MYMK: variants seen among roughly 807,000 people sequenced by gnomAD.
MYMK encodes protein myomaker.
A neutral mutation model predicts 22.4 loss-of-function variants in MYMK; 16 were observed. The observed-to-expected ratio is 0.72, with a 90% CI of 0.48 to 1.09. The LOEUF is 1.09. Ranked by LOEUF, MYMK falls within the 50% of genes least tolerant of loss-of-function variation. The pLI, the probability that MYMK is intolerant of heterozygous loss-of-function variation, is 0.00. For missense variants in MYMK, 250 were observed against 295.6 expected (o/e 0.85, Z 1.13); for synonymous variants, 125 against 127.0 (o/e 0.98, Z 0.11).
chr9:133,523,344 G>A lies in MYMK; in HGVS notation c.135+1366C>T, dbSNP rs77751860. On this transcript the variant is annotated intron_variant, in intron 1 of 4. Transcript: ENST00000339996. The stretch of plus-strand genomic sequence containing the variant: ...CTGCTGCTGGAGAAGGAGGCTGTCT[G>A]GGGAGAGGAGGTGGAGTTTTCACAG... Among the ~76,000 whole-genome samples the A allele has an allele frequency of 3.5e-3, 539 of 152,332 alleles. 3 individuals are homozygous for A. Among genetic ancestry groups the A allele is most frequent in the African/African-American group, 0.013 (525 of 41,558 alleles).
Position 133,519,031 on chromosome 9 carries a change from G to A in MYMK, c.251-9C>T. ...GTCGAAGTCGGCCAGTGCTGGAGGG[G>A]CCAGGGAGACACAGGGGGAGGTGAG... On this transcript the variant is annotated splice_polypyrimidine_tract_variant and intron_variant, in intron 2 of 4. Coordinates refer to ENST00000339996, the MANE Select transcript of MYMK (RefSeq NM_001080483.3). The A allele has an allele frequency of 6.2e-7, 1 of 1,613,512 alleles. No homozygotes were observed. Among genetic ancestry groups the A allele is most frequent in the Non-Finnish European group, 8.5e-7 (1 of 1,179,978 alleles).
Position 133,515,446 on chromosome 9 carries a change from G to T in MYMK, c.516+45C>A. On this transcript the variant is annotated intron_variant, in intron 4 of 4. Transcript: ENST00000339996. The surrounding 1 kb of genome is among the most constrained non-coding windows in gnomAD (Gnocchi z 5.8). ...TATCCCAGCTGAGCAGAGCCATGCC[G>T]AGTGGGCTCTGGGGCACAGGACACC... The T allele has an allele frequency of 3.0e-6, 4 of 1,333,062 alleles. No individual in the cohort carries two copies. The highest frequency in any genetic ancestry group is 1.2e-5 in the South Asian group (1 of 84,152). 82.6% of individuals were successfully genotyped at this position (1,333,062 alleles called of 1,614,324 possible).
chr9:133,519,541 CA>C (rs1439294582), intron 2 of MYMK, among the ~76,000 whole-genome samples: 1 of 152,160 alleles, frequency 6.6e-6, no homozygotes, highest in Non-Finnish European at 1.5e-5. Context: ...GCCTGAGTGA[CA>C]GAGTGAGACC....
intron 2 of MYMK, 68 bp from the exon 3 acceptor site, chr9:133,519,090 C>A: frequency 5.7e-6 from 9 of 1,577,956 alleles, no homozygotes; most frequent in Middle Eastern, 3.4e-4. Context: ...TACCCCCCCA[C>A]CCCCCAGCCC....
At position 133,514,790 on chromosome 9, in the gene MYMK, G is replaced by C. The variant is rs748124423; in HGVS notation, c.517-5C>G. 2.5e-6 allele frequency: 4 copies of C among 1,612,078 alleles called. No individual in the cohort carries two copies. The East Asian group carries it at 6.7e-5, about 27-fold the overall frequency. ...GACATAAGTGTAGTCCCAGTCCTGC[G>C]GGGGGCAAGCGGTCAGTCTGGGGCC... On this transcript the variant is annotated splice_region_variant and splice_polypyrimidine_tract_variant and intron_variant, in intron 4 of 4. Coordinates refer to ENST00000339996, the MANE Select transcript of MYMK (RefSeq NM_001080483.3).
intron 2 of MYMK, 40 bp from the exon 3 acceptor site, chr9:133,519,062 T>C: frequency 6.2e-7 from 1 of 1,610,368 alleles, no homozygotes; most frequent in Non-Finnish European, 8.5e-7. Context: ...GTGAGTGGTC[T>C]CTCTTGCTCC....
At chr9:133,514,991 G>C (rs1167714447) in intron 4 of MYMK, among the ~76,000 whole-genome samples, 4 of 152,118 alleles carry the variant, frequency 2.6e-5, no homozygotes, top group Non-Finnish European at 5.9e-5. Flanking sequence ...CCTCCAGGCT[G>C]CACTCCTTCC....
Position 133,520,160 on chromosome 9 carries a change from G to T in MYMK, c.250+14C>A. 6.2e-7 allele frequency: 1 copy of T among 1,604,832 alleles called. No individual in the cohort carries two copies. Among genetic ancestry groups the T allele is most frequent in the Non-Finnish European group, 8.5e-7 (1 of 1,171,652 alleles). On this transcript the variant is annotated intron_variant, in intron 2 of 4. Coordinates refer to ENST00000339996, the MANE Select transcript of MYMK (RefSeq NM_001080483.3). ...CTTGTCCGCAAGGCTTGTCTGCAGG[G>T]GTTGACCACTCACCCATCAGCGAGA...
chr9:133,515,442 T>C lies in MYMK; in HGVS notation c.516+49A>G, dbSNP rs1844619587. ...CTGGTATCCCAGCTGAGCAGAGCCATGCCGAGTGGGCTCTGGGGCACAGGA... is the reference window on the plus strand; with the variant it reads ...CTGGTATCCCAGCTGAGCAGAGCCACGCCGAGTGGGCTCTGGGGCACAGGA... On this transcript the variant is annotated intron_variant, in intron 4 of 4. Transcript: ENST00000339996. The surrounding 1 kb of genome is among the most constrained non-coding windows in gnomAD (Gnocchi z 5.8). 1 of 1,300,460 alleles carries C rather than the reference T, an allele frequency of 7.7e-7. No individual in the cohort carries two copies. The highest frequency in any genetic ancestry group is 1.1e-6 in the Non-Finnish European group (1 of 899,836). 80.6% of individuals were successfully genotyped at this position (1,300,460 alleles called of 1,614,324 possible).
At chr9:133,524,323 G>A (rs144789439) in intron 1 of MYMK, among the ~76,000 whole-genome samples, 201 of 152,232 alleles carry the variant, frequency 1.3e-3, no homozygotes, top group African/African-American at 4.4e-3. Flanking sequence ...CTGCTCCATC[G>A]TGGCCTATGG....
chr9:133,524,548 C>T (rs577296322), intron 1 of MYMK, among the ~76,000 whole-genome samples, 162 bp downstream of exon 1: 1 of 152,196 alleles, frequency 6.6e-6, no homozygotes, highest in Non-Finnish European at 1.5e-5. Context: ...AGGGACTCCC[C>T]TAGTCCTCTC....
rs1407385140 is a variant in MYMK, at chr9:133,515,060, A to G, written c.517-275T>C. 8.6e-6 allele frequency among the ~76,000 whole-genome samples: 1 copy of G among 116,366 alleles called. No homozygotes were observed. The highest frequency in any genetic ancestry group is 1.8e-5 in the Non-Finnish European group (1 of 54,776). The allele number at this position is 116,366 out of a possible 152,430, so 76.3% of individuals were successfully genotyped here. On this transcript the variant is annotated intron_variant, in intron 4 of 4. Coordinates refer to ENST00000339996, the MANE Select transcript of MYMK (RefSeq NM_001080483.3). The surrounding 1 kb of genome is among the most constrained non-coding windows in gnomAD (Gnocchi z 5.8). The stretch of plus-strand genomic sequence containing the variant: ...CTTCCTCCATCCTTCTCTCCCTCCT[A>G]CCCTCCCTCCCTCCATCTCCCCCTC...
chr9:133,519,346 C>T (rs985909414), intron 2 of MYMK, among the ~76,000 whole-genome samples: 2 of 152,114 alleles, frequency 1.3e-5, no homozygotes, highest in African/African-American at 2.4e-5. Flanking sequence ...GCAGGAGGAT[C>T]GTCTGAGACC....
At chr9:133,520,120 A>G in intron 2 of MYMK, 54 bp downstream of exon 2, 2 of 1,439,268 alleles carry the variant, frequency 1.4e-6, no homozygotes, top group Admixed American at 3.4e-5. Flanking sequence ...GTGTGCGGAC[A>G]CTGGGGAGCC....
At chr9:133,521,263 A>G (rs953807154) in intron 1 of MYMK, among the ~76,000 whole-genome samples, 5 of 152,236 alleles carry the variant, frequency 3.3e-5, no homozygotes, top group African/African-American at 9.6e-5. Flanking sequence ...ATTTAATTAC[A>G]TGACATAATT....
Position 133,524,801 on chromosome 9 carries a change from C to T in MYMK, c.44G>A (p.Ser15Asn). Residue 15 changes from serine to asparagine, a missense_variant, in exon 1 of 5, where the codon AGC (serine) becomes AAC (asparagine). Coordinates refer to ENST00000339996, the MANE Select transcript of MYMK (RefSeq NM_001080483.3). ...GCTGACAGTGGGGAGGAAGGCCAGG[C>T]TGCTGAGGGTGGGCAGGAGCAGCTT... The part of the protein sequence containing the change: ...VAKLLLPTLS[S>N]LAFLPTVSIA... 1.9e-6 allele frequency: 3 copies of T among 1,613,894 alleles called. No homozygotes were observed. The highest frequency in any genetic ancestry group is 2.5e-6 in the Non-Finnish European group (3 of 1,179,918).
rs542333994 is a variant in MYMK, at chr9:133,515,207, G to T, written c.516+284C>A. On this transcript the variant is annotated intron_variant, in intron 4 of 4. Coordinates refer to ENST00000339996, the MANE Select transcript of MYMK (RefSeq NM_001080483.3). The surrounding 1 kb of genome is among the most constrained non-coding windows in gnomAD (Gnocchi z 5.8). ...CAGGTGTTGGGCACCTGCCCCAGGC[G>T]TCTCCCAGGCTGTGCTGCCGTCTGA... Among the ~76,000 whole-genome samples, 1 of 141,608 alleles carries T rather than the reference G, an allele frequency of 7.1e-6. No individual in the cohort carries two copies. The highest frequency in any genetic ancestry group is 2.6e-4 in the South Asian group (1 of 3,806). 92.9% of individuals were successfully genotyped at this position (141,608 alleles called of 152,430 possible).
In MYMK at chr9:133,519,669, G is replaced by A. The variant is rs1017822539; in HGVS notation, c.250+505C>T. The stretch of plus-strand genomic sequence containing the variant: ...AAGAAATGAAGCCCCTCACAGGCCC[G>A]GTTAGATGGCAAGGAGCCTCAGGTC... On this transcript the variant is annotated intron_variant, in intron 2 of 4. Coordinates refer to ENST00000339996, the MANE Select transcript of MYMK (RefSeq NM_001080483.3). Among the ~76,000 whole-genome samples, 7 of 152,272 alleles carry A rather than the reference G, an allele frequency of 4.6e-5. No homozygotes were observed. The East Asian group carries it at 7.7e-4, about 17-fold the overall frequency.
At chr9:133,514,858 G>C in intron 4 of MYMK, 73 bp from the exon 5 acceptor site, 2 of 1,513,290 alleles carry the variant, frequency 1.3e-6, no homozygotes, top group Non-Finnish European at 1.8e-6. Context: ...AGACCCAGCA[G>C]AGCCCCTTCA....
Sources: allele counts gnomAD v4.1 joint callset (sites outside exome capture counted in the v4.1 genomes callset), GRCh38; gene constraint gnomAD v4.1.1; non-coding constraint Gnocchi (gnomAD v3.1); transcripts MANE v1.5; gene names NCBI Gene and HGNC (gene_info 2026-07-23, HGNC 2026-07-21).